Variants in CEACAM7 observed in about 807,000 individuals in gnomAD.
CEACAM7 encodes cell adhesion molecule CEACAM7.
CEACAM7 carries 24 observed loss-of-function variants against 25.7 expected under a neutral mutation model. The ratio of observed to expected loss-of-function variants is 0.93; its 90% CI spans 0.68 to 1.31. The LOEUF (loss-of-function observed/expected upper bound fraction) is 1.31, where lower values mean the gene tolerates loss of function less well. Among genes scored for constraint, CEACAM7 ranks in the 40% most tolerant of loss-of-function variants. CEACAM7 has a pLI of 0.00. For missense variants in CEACAM7, 324 were observed against 330.1 expected (o/e 0.98, Z 0.14); for synonymous variants, 144 against 129.4 (o/e 1.11, Z -0.77).
Position 41,687,019 on chromosome 19 carries a change from T to TTCTTGA in CEACAM7, c.261_266dup (p.Gln88_Glu89insAspGln). ...CGTTGTGTGCGGGCCCTGGGGCATTTTCTTGACTTATATTTTTTACATATC... is the reference window on the plus strand; with the variant it reads ...CGTTGTGTGCGGGCCCTGGGGCATTTTCTTGATCTTGACTTATATTTTTTACATATC... On this transcript the variant is annotated inframe_insertion, in exon 2 of 5. Coordinates refer to ENST00000401731, the MANE Select transcript of CEACAM7 (RefSeq NM_001291485.2). 1 of 1,614,048 alleles carries TTCTTGA rather than the reference T, an allele frequency of 6.2e-7. No homozygotes were observed. Among genetic ancestry groups the TTCTTGA allele is most frequent in the Non-Finnish European group, 8.5e-7 (1 of 1,179,980 alleles).
chr19:41,683,953 A>G lies in CEACAM7; in HGVS notation c.538T>C (p.Trp180Arg), dbSNP rs1555810942. Reference sequence around the variant, plus strand: ...ACCAGGAGGCTCTGATTGTTTACCCACCACAGGTAGGTTGTGTTCTGAGTC... The same window carrying G: ...ACCAGGAGGCTCTGATTGTTTACCCGCCACAGGTAGGTTGTGTTCTGAGTC... ...PETQNTTYLW[W>R]VNNQSLLVSP... Residue 180 changes from tryptophan to arginine, a missense_variant, in exon 3 of 5, where the codon TGG becomes CGG. By Grantham distance (101) the Trp-to-Arg change is moderately radical. Coordinates refer to ENST00000401731, the MANE Select transcript of CEACAM7 (RefSeq NM_001291485.2). 6.2e-7 allele frequency: 1 copy of G among 1,614,138 alleles called. No homozygotes were observed. The highest frequency in any genetic ancestry group is 8.5e-7 in the Non-Finnish European group (1 of 1,180,018).
At chr19:41,678,369 G>A (rs953498123) in intron 3 of CEACAM7, among the ~76,000 whole-genome samples, 3 of 131,344 alleles carry the variant, frequency 2.3e-5, no homozygotes, top group African/African-American at 9.1e-5. Flanking sequence ...ATGTATATGT[G>A]TGTATATATG....
chr19:41,684,460 G>C (rs2072207825), intron 2 of CEACAM7, among the ~76,000 whole-genome samples: 1 of 152,174 alleles, frequency 6.6e-6, no homozygotes, highest in African/African-American at 2.4e-5. Context: ...CCAGCCAAGG[G>C]GTGTTTCTCT....
chr19:41,683,892 G>A lies in CEACAM7; in HGVS notation c.599C>T (p.Thr200Ile). ...CTTTGTGGCGCTGAGTAGAACGAGGGTCCTGTTGTCAGTGGAGAGCAGCAG... is the reference window on the plus strand; with the variant it reads ...CTTTGTGGCGCTGAGTAGAACGAGGATCCTGTTGTCAGTGGAGAGCAGCAG... ...PRLLLSTDNR[T>I]LVLLSATKND... Residue 200 changes from threonine to isoleucine, a missense_variant, in exon 3 of 5, where the codon ACC becomes ATC. Thr to Ile is a moderately conservative substitution (Grantham distance 89). Transcript: ENST00000401731. 1 of 1,614,168 alleles carries A rather than the reference G, an allele frequency of 6.2e-7. No individual in the cohort carries two copies. The highest frequency in any genetic ancestry group is 1.1e-5 in the South Asian group (1 of 91,080).
intron 1 of CEACAM7, 52 bp downstream of exon 1, chr19:41,688,050 G>A: frequency 6.5e-7 from 1 of 1,541,806 alleles, no homozygotes; most frequent in Non-Finnish European, 8.8e-7. Context: ...GGAGACCCCA[G>A]CCAGTCTCTC....
intron 3 of CEACAM7, among the ~76,000 whole-genome samples, chr19:41,682,559 T>C (rs2072185770): frequency 6.6e-6 from 1 of 152,164 alleles, no homozygotes; most frequent in African/African-American, 2.4e-5. Flanking sequence ...CTGCCATTGA[T>C]TGACAGCTCA....
chr19:41,685,854 G>A (rs1454900138), intron 2 of CEACAM7, among the ~76,000 whole-genome samples: 5 of 152,122 alleles, frequency 3.3e-5, no homozygotes, highest in African/African-American at 1.2e-4. Context: ...CCCACTTCTG[G>A]CTTGGATGCC....
At chr19:41,681,359 A>G (rs2072174081) in intron 3 of CEACAM7, among the ~76,000 whole-genome samples, 1 of 152,174 alleles carries the variant, frequency 6.6e-6, no homozygotes, top group Admixed American at 6.5e-5. Context: ...ACAGTGGAAA[A>G]TGGTAGAGCC....
rs146822491 is a variant in CEACAM7 at position 41,686,633 on chromosome 19, C to T, written c.427+226G>A. On this transcript the variant is annotated intron_variant, in intron 2 of 4. Transcript: ENST00000401731. Reference sequence around the variant, plus strand: ...TCTCCCCCTGCTGAGTGCCCCCCATCAGACTGTCCTTCCTCTGCAGCAAGT... The same window carrying T: ...TCTCCCCCTGCTGAGTGCCCCCCATTAGACTGTCCTTCCTCTGCAGCAAGT... Among the ~76,000 whole-genome samples, 1,366 of 152,284 alleles carry T rather than the reference C, an allele frequency of 9.0e-3. 13 individuals are homozygous for T. Among genetic ancestry groups the T allele is most frequent in the African/African-American group, 0.03 (1,256 of 41,556 alleles).
intron 1 of CEACAM7, among the ~76,000 whole-genome samples, chr19:41,687,491 A>T (rs1055989569): frequency 1.3e-5 from 2 of 152,146 alleles, no homozygotes; most frequent in Admixed American, 6.5e-5. Flanking sequence ...CATCCTTGGG[A>T]GACCCCTTCC....
In CEACAM7 at chr19:41,683,993, T is replaced by C. The variant is rs2072202038; in HGVS notation, c.498A>G (p.Leu166=). The C allele has an allele frequency of 1.2e-6, 2 of 1,614,174 alleles. No individual in the cohort carries two copies. The highest frequency in any genetic ancestry group is 1.7e-6 in the Non-Finnish European group (2 of 1,180,034). Residue 166 remains leucine, a synonymous_variant, in exon 3 of 5, where the codon TTA becomes TTG. Coordinates refer to ENST00000401731, the MANE Select transcript of CEACAM7 (RefSeq NM_001291485.2). ...TGTTCTGAGTCTCAGGTTGACAGGT[T>C]AAAACCACAATATCTTTGTTCTCCA... ...NPVENKDIVV[L]TCQPETQNTT...
Position 41,687,360 on chromosome 19 carries a change from G to A in CEACAM7, c.65-139C>T, listed in dbSNP as rs559527949. 1.6e-4 allele frequency: 129 copies of A among 829,978 alleles called. No individual in the cohort carries two copies. The African/African-American group carries it at 1.9e-3, about 12-fold the overall frequency. 51.4% of individuals were successfully genotyped at this position (829,978 alleles called of 1,614,324 possible). A position where few individuals can be genotyped will look rare whatever the true frequency, so the allele number is the denominator to read the frequency against. ...GTGTGTGTGTGTGTGTGTCCTACTG[G>A]ATCAATGTCAGCAGCATGTCCCCTA... is the stretch of plus-strand genomic sequence containing the variant. On this transcript the variant is annotated intron_variant, in intron 1 of 4. Coordinates refer to ENST00000401731, the MANE Select transcript of CEACAM7 (RefSeq NM_001291485.2).
chr19:41,682,606 T>C (rs1478566735), intron 3 of CEACAM7, among the ~76,000 whole-genome samples: 3 of 152,054 alleles, frequency 2.0e-5, no homozygotes, highest in Non-Finnish European at 4.4e-5. Flanking sequence ...CCAAGCACCT[T>C]CTCCACACAC....
At chr19:41,687,950 C>T in intron 1 of CEACAM7, 152 bp downstream of exon 1, 2 of 482,492 alleles carry the variant, frequency 4.1e-6, no homozygotes, top group South Asian at 4.2e-5. Context: ...TGTGATTTTC[C>T]TGTTCTGGTT....
Position 41,688,244 on chromosome 19 carries a change from C to T in CEACAM7, c.-79G>A. The T allele has an allele frequency of 6.5e-7, 1 of 1,550,160 alleles. No homozygotes were observed. Among genetic ancestry groups the T allele is most frequent in the South Asian group, 1.2e-5 (1 of 82,518 alleles). Reference sequence around the variant, plus strand: ...CTCTTGTCAGGGCTGCTGTGACTGTCAGCTCTGCTGTCCTTCCTACCTCTG... The same window carrying T: ...CTCTTGTCAGGGCTGCTGTGACTGTTAGCTCTGCTGTCCTTCCTACCTCTG... On this transcript the variant is annotated 5_prime_UTR_variant, in exon 1 of 5. Transcript: ENST00000401731.
rs1425746688 is a variant in CEACAM7 at position 41,674,468 on chromosome 19, G to A, written c.*308C>T. 6.3e-6 allele frequency: 1 copy of A among 157,702 alleles called. No homozygotes were observed. Among genetic ancestry groups the A allele is most frequent in the Non-Finnish European group, 1.4e-5 (1 of 71,492 alleles). 9.8% of individuals were successfully genotyped at this position (157,702 alleles called of 1,614,324 possible). A position where few individuals can be genotyped will look rare whatever the true frequency, so the allele number is the denominator to read the frequency against. ...TGGAGTGGGATAAGAGCCTCGTCAC[G>A]ATGAGGCTTGGGACATCTTGGGAAA... On this transcript the variant is annotated 3_prime_UTR_variant, in exon 5 of 5. Coordinates refer to ENST00000401731, the MANE Select transcript of CEACAM7 (RefSeq NM_001291485.2).
At position 41,684,065 on chromosome 19, in the gene CEACAM7, T is replaced by A; in HGVS notation, c.428-2A>T. ...TGATGGAGGGCTTGGGTGGCTCCGC[T>A]GTGCAGATAAGAGAGAGAAAAGATT... On this transcript the variant is annotated splice_acceptor_variant, in intron 2 of 4. Coordinates refer to ENST00000401731, the MANE Select transcript of CEACAM7 (RefSeq NM_001291485.2). LOFTEE classifies it high-confidence loss of function. 9 of 1,613,136 alleles carry A rather than the reference T, an allele frequency of 5.6e-6. No homozygotes were observed. Among genetic ancestry groups the A allele is most frequent in the Non-Finnish European group, 7.6e-6 (9 of 1,179,564 alleles).
chr19:41,684,190 T>C, intron 2 of CEACAM7, 127 bp from the exon 3 acceptor site: 5 of 966,122 alleles, frequency 5.2e-6, no homozygotes, highest in Non-Finnish European at 7.9e-6. Flanking sequence ...CCACAGAAGG[T>C]GTGTGTATCA....
chr19:41,677,654 A>C, intron 3 of CEACAM7, 151 bp from the exon 4 acceptor site: 1 of 573,288 alleles, frequency 1.7e-6, no homozygotes, highest in Non-Finnish European at 3.1e-6. Flanking sequence ...TGATTATCCA[A>C]CTAAATTCTT....
Sources: gnomAD v4.1 joint callset for allele counts (sites outside exome capture counted in the v4.1 genomes callset) on GRCh38, gnomAD v4.1.1 for gene constraint, MANE v1.5 for transcripts, NCBI Gene and HGNC (gene_info 2026-07-23, HGNC 2026-07-21) for gene names.